Variants in LY96 observed in about 807,000 individuals in gnomAD.
LY96 encodes myeloid differentiation protein-2.
Under a neutral mutation model 18.9 loss-of-function variants are expected in LY96, and 18 were observed. That is an observed-to-expected ratio of 0.95 (90% CI 0.66 to 1.41). LY96 has a LOEUF of 1.41. Ranked by LOEUF, LY96 falls within the 40% of genes most tolerant of loss-of-function variation. The pLI, the probability that LY96 is intolerant of heterozygous loss-of-function variation, is 0.00. For missense variants in LY96, 175 were observed against 182.4 expected, an observed-to-expected ratio of 0.96 and a Z score of 0.23; for synonymous variants, 66 against 62.6, an observed-to-expected ratio of 1.06 and a Z score of -0.26.
At chr8:74,075,373 C>G in the LY96 span, among the ~76,000 whole-genome samples, 1 of 152,208 alleles carries the variant, frequency 6.6e-6, no homozygotes, top group Non-Finnish European at 1.5e-5. Flanking sequence ...TGGGCTGAAG[C>G]GATCTTCCTG....
At chr8:74,019,046 T>C (rs1183860172) in intron 3 of LY96, among the ~76,000 whole-genome samples, 1 of 152,012 alleles carries the variant, frequency 6.6e-6, no homozygotes, top group Non-Finnish European at 1.5e-5. Flanking sequence ...ATTGAAAAGC[T>C]AGCAGAAGGA....
At chr8:74,065,410 C>G in the LY96 span, among the ~76,000 whole-genome samples, 10 of 152,230 alleles carry the variant, frequency 6.6e-5, no homozygotes, top group Non-Finnish European at 1.0e-4. Flanking sequence ...CATTGTATTT[C>G]TTGTAGGTGT....
At chr8:74,046,940 C>T in the LY96 span, among the ~76,000 whole-genome samples, 14 of 141,580 alleles carry the variant, frequency 9.9e-5, no homozygotes, top group East Asian at 8.0e-4. Flanking sequence ...CTCGCTCCGT[C>T]GCCTAGGCTG....
At chr8:74,057,079 A>G in the LY96 span, among the ~76,000 whole-genome samples, 257 of 152,314 alleles carry the variant, frequency 1.7e-3, no homozygotes, top group African/African-American at 5.9e-3. Flanking sequence ...GATCAAAAGG[A>G]GAGAGTTTGC....
intron 4 of LY96, 127 bp from the exon 5 acceptor site, chr8:74,028,829 A>G: frequency 1.7e-6 from 1 of 573,998 alleles, no homozygotes; most frequent in Non-Finnish European, 3.0e-6. Context: ...ATTTCGTCTC[A>G]TTGGAAAACT....
chr8:74,031,563 C>T (rs1307782062), downstream of LY96, among the ~76,000 whole-genome samples: 5 of 149,668 alleles, frequency 3.3e-5, no homozygotes, highest in Non-Finnish European at 7.4e-5. Context: ...ACCCAGGAGG[C>T]GGAGGTTGCG....
intron 3 of LY96, among the ~76,000 whole-genome samples, chr8:74,010,804 C>T (rs1816514818): frequency 6.6e-6 from 1 of 151,724 alleles, no homozygotes; most frequent in Admixed American, 6.6e-5. Context: ...TGTCCATGGT[C>T]ATTTGGAGAA....
At chr8:74,037,802 T>C in the LY96 span, among the ~76,000 whole-genome samples, 1 of 152,160 alleles carries the variant, frequency 6.6e-6, no homozygotes, top group Admixed American at 6.5e-5. Context: ...CCTGAGAGCA[T>C]TCTAGTTGAT....
the LY96 span, among the ~76,000 whole-genome samples, chr8:74,088,983 G>T: frequency 2.0e-5 from 3 of 152,224 alleles, no homozygotes; most frequent in Non-Finnish European, 4.4e-5. Flanking sequence ...TGATCTTGCT[G>T]GTGGGGAATT....
chr8:74,080,639 A>C, the LY96 span, among the ~76,000 whole-genome samples: 1 of 152,174 alleles, frequency 6.6e-6, no homozygotes, highest in Admixed American at 6.5e-5. Context: ...ACTGTTACTG[A>C]TTCCCTGCTT....
At chr8:74,014,832 C>T (rs1816609150) in intron 3 of LY96, among the ~76,000 whole-genome samples, 1 of 151,796 alleles carries the variant, frequency 6.6e-6, no homozygotes, top group Non-Finnish European at 1.5e-5. Flanking sequence ...CACACACACA[C>T]ACACACACAC....
chr8:74,033,204 A>C (rs1816998756), downstream of LY96, among the ~76,000 whole-genome samples: 1 of 152,182 alleles, frequency 6.6e-6, no homozygotes, highest in African/African-American at 2.4e-5. Flanking sequence ...AAGATGGGTA[A>C]GGAGAAAGGG....
At chr8:74,088,153 A>AGAATAGAATAGAATAGAAT in the LY96 span, among the ~76,000 whole-genome samples, 1 of 70,120 alleles carries the variant, frequency 1.4e-5, no homozygotes, top group African/African-American at 5.4e-5. Flanking sequence ...TAGAATAGAA[A>AGAATAGAATAGAATAGAAT]AGAATAGAAA....
intron 1 of LY96, among the ~76,000 whole-genome samples, chr8:73,994,947 T>C (rs959855527): frequency 6.6e-6 from 1 of 152,222 alleles, no homozygotes; most frequent in African/African-American, 2.4e-5. Context: ...GGCTTACTGC[T>C]GTGTTTTGAA....
chr8:74,042,837 C>T, the LY96 span, among the ~76,000 whole-genome samples: 24 of 150,862 alleles, frequency 1.6e-4, no homozygotes, highest in South Asian at 2.1e-4. Flanking sequence ...AGTGCAGTGG[C>T]GTGAGCTCAT....
the LY96 span, among the ~76,000 whole-genome samples, chr8:74,095,250 A>G: frequency 6.6e-6 from 1 of 152,210 alleles, no homozygotes; most frequent in African/African-American, 2.4e-5. Flanking sequence ...TATTCAGGGC[A>G]CAGCTGAAGA....
At chr8:74,076,326 A>C in the LY96 span, among the ~76,000 whole-genome samples, 3 of 144,236 alleles carry the variant, frequency 2.1e-5, no homozygotes, top group Non-Finnish European at 4.6e-5. Flanking sequence ...CAACCAAGAC[A>C]CTTTTTTTTT....
At chr8:74,084,863 C>T in the LY96 span, among the ~76,000 whole-genome samples, 1 of 152,204 alleles carries the variant, frequency 6.6e-6, no homozygotes, top group Non-Finnish European at 1.5e-5. Flanking sequence ...GATCCGCCTG[C>T]CTTGACCTCC....
At chr8:74,044,952 C>T in the LY96 span, among the ~76,000 whole-genome samples, 6 of 152,334 alleles carry the variant, frequency 3.9e-5, no homozygotes, top group Non-Finnish European at 1.5e-5. Flanking sequence ...TGATTTTTGA[C>T]TCACATTATA....
Sources: allele counts gnomAD v4.1 joint callset (sites outside exome capture counted in the v4.1 genomes callset), GRCh38; gene constraint gnomAD v4.1.1; transcripts MANE v1.5; gene names NCBI Gene and HGNC (gene_info 2026-07-23, HGNC 2026-07-21).